CAST: variants seen among roughly 807,000 people sequenced by gnomAD.
The protein encoded by CAST is calpastatin, also known as MIR583 host.
A neutral mutation model predicts 119.6 loss-of-function variants in CAST; 76 were observed. That is an observed-to-expected ratio of 0.64 (90% CI 0.53 to 0.77). The LOEUF (loss-of-function observed/expected upper bound fraction) is 0.77. Ranked by LOEUF, CAST falls within the 30% of genes least tolerant of loss-of-function variation. The probability of loss-of-function intolerance (pLI) is 0.00; values close to 1 mark genes in which losing one functional copy is unlikely to be tolerated. For missense variants in CAST, 953 were observed against 946.5 expected (o/e 1.01, Z -0.09); for synonymous variants, 319 against 331.6 (o/e 0.96, Z 0.41).
At chr5:96,600,949 T>C (rs1301190555) in intron 1 of CAST, among the ~76,000 whole-genome samples, 9 of 152,264 alleles carry the variant, frequency 5.9e-5, no homozygotes, top group Admixed American at 5.2e-4. Context: ...TGCTCCTCCT[T>C]CTCTGGATTT....
intron 1 of CAST, among the ~76,000 whole-genome samples, chr5:96,650,280 C>T (rs983379101): frequency 7.9e-5 from 12 of 152,158 alleles, no homozygotes; most frequent in African/African-American, 9.7e-5. Context: ...GGACTCTTCA[C>T]GCATTTTCCT....
At chr5:96,654,808 G>A (rs1272113548) in intron 1 of CAST, among the ~76,000 whole-genome samples, 2 of 152,212 alleles carry the variant, frequency 1.3e-5, no homozygotes, top group African/African-American at 4.8e-5. Flanking sequence ...GTATATTTGT[G>A]TTAAATTTGG....
At chr5:96,622,237 G>A (rs1352159066) in intron 1 of CAST, among the ~76,000 whole-genome samples, 4 of 151,938 alleles carry the variant, frequency 2.6e-5, no homozygotes, top group African/African-American at 9.7e-5. Flanking sequence ...CAAAGTGCTG[G>A]TATTACAGGT....
At chr5:96,264,383 A>C in the CAST span, among the ~76,000 whole-genome samples, 2 of 152,180 alleles carry the variant, frequency 1.3e-5, no homozygotes, top group African/African-American at 2.4e-5. Flanking sequence ...CATCACACCT[A>C]ACTAGTTTTC....
chr5:96,522,531 T>C (rs1306373649), upstream of CAST, among the ~76,000 whole-genome samples: 2 of 152,202 alleles, frequency 1.3e-5, no homozygotes, highest in African/African-American at 4.8e-5. Flanking sequence ...AAAAAAACAA[T>C]AGTCATCTGT....
chr5:96,655,157 A>G (rs1449758155), intron 1 of CAST, among the ~76,000 whole-genome samples: 3 of 152,220 alleles, frequency 2.0e-5, no homozygotes, highest in Non-Finnish European at 4.4e-5. Flanking sequence ...AGGACAAAAA[A>G]GATGTGGGGC....
At chr5:96,006,450 C>A in the CAST span, among the ~76,000 whole-genome samples, 4 of 152,106 alleles carry the variant, frequency 2.6e-5, no homozygotes, top group Admixed American at 6.5e-5. Flanking sequence ...CCATCCTGTC[C>A]AAGCCCACAC....
In CAST at chr5:96,692,344, CAG is replaced by C. The variant is rs554721847; in HGVS notation, c.139-3491_139-3490del. On this transcript the variant is annotated intron_variant, in intron 2 of 31. Transcript: ENST00000675179. The stretch of plus-strand genomic sequence containing the variant: ...TTGCACCTGGAGGCAAGGGAGGACT[CAG>C]GGGGTCAGGTAGTAACCTGAGAAGA... Among the ~76,000 whole-genome samples, 141 of 152,268 alleles carry C rather than the reference CAG, an allele frequency of 9.3e-4. No homozygotes were observed. In the Middle Eastern group the frequency reaches 0.017, roughly 18 times the overall value.
chr5:96,741,383 G>A (rs376387379), intron 14 of CAST, 25 bp downstream of exon 14: 9 of 1,552,946 alleles, frequency 5.8e-6, no homozygotes, highest in Admixed American at 3.3e-5. Flanking sequence ...GTTGTTAAGG[G>A]AAACTTGTTA....
intron 1 of CAST, among the ~76,000 whole-genome samples, chr5:96,626,329 A>G (rs543903896): frequency 2.9e-4 from 44 of 152,318 alleles, no homozygotes; most frequent in Admixed American, 2.4e-3. Context: ...GGTGATTAAA[A>G]CAAAGCATTA....
chr5:96,720,903 A>G (rs1041017030), intron 3 of CAST, among the ~76,000 whole-genome samples: 4 of 152,160 alleles, frequency 2.6e-5, no homozygotes, highest in Admixed American at 6.5e-5. Flanking sequence ...TGCATGGTTG[A>G]GGGGAATCAT....
chr5:96,608,321 A>AGGCAAAT (rs970451129), intron 1 of CAST, among the ~76,000 whole-genome samples: 1 of 152,204 alleles, frequency 6.6e-6, no homozygotes, highest in African/African-American at 2.4e-5. Context: ...CTGTGTTCTT[A>AGGCAAAT]GGCAAATGGC....
intron 2 of CAST, among the ~76,000 whole-genome samples, chr5:96,680,354 C>CAAAAAAAAAAAAAAAAAAAAAAA (rs71617135): frequency 1.4e-4 from 4 of 29,272 alleles, no homozygotes; most frequent in Admixed American, 3.7e-4. Flanking sequence ...GACTCTGTCT[C>CAAAAAAAAAAAAAAAAAAAAAAA]AAAAAAAAAA....
At chr5:96,552,994 G>T (rs1746164727) in intron 1 of CAST, among the ~76,000 whole-genome samples, 1 of 152,102 alleles carries the variant, frequency 6.6e-6, no homozygotes, top group Non-Finnish European at 1.5e-5. Context: ...AAGAGGAGCT[G>T]GTATCATTCC....
the CAST span, among the ~76,000 whole-genome samples, chr5:96,002,734 C>T: frequency 3.2e-4 from 48 of 152,122 alleles, 1 homozygote; most frequent in Non-Finnish European, 5.6e-4. Flanking sequence ...TTGGATAAGG[C>T]GTTGTTAAAC....
At chr5:96,062,194 A>G in the CAST span, among the ~76,000 whole-genome samples, 1 of 152,140 alleles carries the variant, frequency 6.6e-6, no homozygotes, top group Admixed American at 6.6e-5. Context: ...TTACAGCAAA[A>G]GAGGAGTGAA....
the CAST span, among the ~76,000 whole-genome samples, chr5:96,473,710 A>G: frequency 6.6e-6 from 1 of 152,200 alleles, no homozygotes; most frequent in Non-Finnish European, 1.5e-5. Context: ...ACTGATTCTC[A>G]TGGCCATTCA....
At chr5:96,641,101 G>A (rs1017959916) in intron 1 of CAST, among the ~76,000 whole-genome samples, 5 of 152,082 alleles carry the variant, frequency 3.3e-5, no homozygotes, top group African/African-American at 4.8e-5. Context: ...CTTTTACAAT[G>A]ATGTTTGCCT....
chr5:95,961,733 CG>C, the CAST span: 1 of 1,592,628 alleles, frequency 6.3e-7, no homozygotes, highest in Non-Finnish European at 8.5e-7. Context: ...TTAAACTCCC[CG>C]GGGTGCCGCC....
Sources: allele counts gnomAD v4.1 joint callset (sites outside exome capture counted in the v4.1 genomes callset), GRCh38; gene constraint gnomAD v4.1.1; transcripts MANE v1.5; gene names NCBI Gene and HGNC (gene_info 2026-07-23, HGNC 2026-07-21).